Variants in GUCY1A1 observed in about 807,000 individuals in gnomAD.
The protein encoded by GUCY1A1 is guanylate cyclase soluble subunit alpha-1.
A neutral mutation model predicts 64.5 loss-of-function variants in GUCY1A1; 48 were observed. The observed-to-expected ratio is 0.74, with a 90% CI of 0.59 to 0.95. The LOEUF is 0.95. Among genes scored for constraint, GUCY1A1 ranks in the 40% least tolerant of loss-of-function variants. The pLI is 0.00. For missense variants in GUCY1A1, 804 were observed against 825.3 expected, an observed-to-expected ratio of 0.97 and a Z score of 0.32; for synonymous variants, 308 against 303.4, an observed-to-expected ratio of 1.02 and a Z score of -0.16.
At chr4:155,708,129 G>A in intron 4 of GUCY1A1, 107 bp from the exon 5 acceptor site, 1 of 627,926 alleles carries the variant, frequency 1.6e-6, no homozygotes, top group Non-Finnish European at 2.8e-6. Context: ...GAGCCGCTGT[G>A]CCTGGCCTAA....
chr4:155,704,567 G>A (rs1261704017), intron 4 of GUCY1A1, among the ~76,000 whole-genome samples: 1 of 152,130 alleles, frequency 6.6e-6, no homozygotes, highest in Admixed American at 6.5e-5. Flanking sequence ...GGTAGCAGCT[G>A]TTTATTAATC....
intron 9 of GUCY1A1, chr4:155,722,444 CT>C: frequency 7.7e-7 from 1 of 1,296,418 alleles, no homozygotes; most frequent in African/African-American, 1.5e-5. Context: ...TTCCATCATT[CT>C]TCTTTTAGAA....
intron 6 of GUCY1A1, among the ~76,000 whole-genome samples, chr4:155,711,795 A>G (rs892285543): frequency 4.6e-5 from 7 of 152,222 alleles, no homozygotes; most frequent in African/African-American, 1.7e-4. Context: ...AGTTGATAAT[A>G]CAAGCAAAGC....
In GUCY1A1 at chr4:155,705,984, T is replaced by C. The variant is rs1442890593; in HGVS notation, c.317+1991T>C. On this transcript the variant is annotated intron_variant, in intron 4 of 9. Transcript: ENST00000506455. ...TCACTGTGCTACTGTGTCTGTCTGC[T>C]TAAGTCCTTGGCAGCCAGTTTACTC... 2.0e-5 allele frequency among the ~76,000 whole-genome samples: 3 copies of C among 152,350 alleles called. No homozygotes were observed. The East Asian group carries it at 5.8e-4, about 29-fold the overall frequency.
chr4:155,686,831 G>A (rs997117458), intron 2 of GUCY1A1, among the ~76,000 whole-genome samples: 6 of 152,072 alleles, frequency 3.9e-5, no homozygotes, highest in Non-Finnish European at 8.8e-5. Flanking sequence ...TTCATTAAAG[G>A]AATTAGACAT....
chr4:155,713,254 A>C lies in GUCY1A1; in HGVS notation c.1243A>C (p.Ile415Leu). The change falls in exon 7 of 10, where the codon ATA becomes CTA. Residue 415 changes from isoleucine (I) to leucine (L), a missense_variant. Ile to Leu is a conservative substitution (Grantham distance 5, BLOSUM62 2). Coordinates refer to ENST00000506455, the MANE Select transcript of GUCY1A1 (RefSeq NM_001130682.3). ...CAATGCACTGAGGGATGTGGTCTTA[A>C]TAGGGGAACAAGCCCGAGCTCAAGA... is the stretch of plus-strand genomic sequence containing the variant. ...IHNALRDVVL[I>L]GEQARAQDGL... is the part of the protein sequence containing the mutation. 1 of 1,614,148 alleles carries C rather than the reference A, an allele frequency of 6.2e-7. No homozygotes were observed. The highest frequency in any genetic ancestry group is 8.5e-7 in the Non-Finnish European group (1 of 1,180,008).
chr4:155,698,622 T>A (rs1025726530), intron 3 of GUCY1A1, among the ~76,000 whole-genome samples: 1 of 152,098 alleles, frequency 6.6e-6, no homozygotes, highest in Admixed American at 6.6e-5. Flanking sequence ...GACTCTTTTT[T>A]AAAAAACATT....
At chr4:155,689,103 T>A (rs917559740) in intron 2 of GUCY1A1, among the ~76,000 whole-genome samples, 1 of 150,896 alleles carries the variant, frequency 6.6e-6, no homozygotes, top group African/African-American at 2.4e-5. Context: ...TCCCTAGCGA[T>A]AGATGTGCCT....
chr4:155,700,665 T>A (rs1057423016), intron 3 of GUCY1A1, among the ~76,000 whole-genome samples: 1 of 152,162 alleles, frequency 6.6e-6, no homozygotes, highest in Admixed American at 6.5e-5. Flanking sequence ...ACTATTTGCA[T>A]TGGGGAACAA....
At chr4:155,670,048 T>C (rs1353574181) in intron 2 of GUCY1A1, among the ~76,000 whole-genome samples, 3 of 152,170 alleles carry the variant, frequency 2.0e-5, no homozygotes, top group African/African-American at 4.8e-5. Context: ...CCAAAAAGTA[T>C]GTGCATTAAT....
Position 155,717,244 on chromosome 4 carries a change from C to A in GUCY1A1, c.1658C>A (p.Ala553Asp). Residue 553 changes from alanine to aspartate, a missense_variant, in exon 8 of 10, where the codon GCC becomes GAC. Transcript: ENST00000506455. The part of the protein sequence containing the change: ...DTHAVQIALM[A>D]LKMMELSDEV... The stretch of plus-strand genomic sequence containing the variant: ...CATGCTGTTCAGATAGCGCTGATGG[C>A]CCTGAAGATGATGGAGCTCTCTGAT... 6.3e-7 allele frequency: 1 copy of A among 1,598,342 alleles called. No homozygotes were observed. Among genetic ancestry groups the A allele is most frequent in the Non-Finnish European group, 8.5e-7 (1 of 1,170,276 alleles).
intron 9 of GUCY1A1, among the ~76,000 whole-genome samples, chr4:155,728,826 G>A (rs563960875): frequency 6.6e-6 from 1 of 151,888 alleles, no homozygotes; most frequent in African/African-American, 2.4e-5. Flanking sequence ...TTAAAGGCTG[G>A]ATAATGGACA....
chr4:155,676,958 A>C (rs908639019), intron 2 of GUCY1A1, among the ~76,000 whole-genome samples: 4 of 151,512 alleles, frequency 2.6e-5, no homozygotes, highest in African/African-American at 9.8e-5. Flanking sequence ...GCACATGCAG[A>C]TTCTTCATGT....
intron 2 of GUCY1A1, among the ~76,000 whole-genome samples, chr4:155,681,228 A>G (rs1471909296): frequency 6.6e-6 from 1 of 152,188 alleles, no homozygotes; most frequent in Non-Finnish European, 1.5e-5. Flanking sequence ...TCTCATTATT[A>G]GTGTTGGAGT....
chr4:155,702,009 ATCAT>A (rs34961017), intron 3 of GUCY1A1, among the ~76,000 whole-genome samples: 4,790 of 150,892 alleles, frequency 0.032, 254 homozygotes, highest in African/African-American at 0.11. Context: ...GCAGGTGGAC[ATCAT>A]TCATTCATTC....
chr4:155,699,432 TA>T (rs1382602849), intron 3 of GUCY1A1, among the ~76,000 whole-genome samples: 1 of 152,164 alleles, frequency 6.6e-6, no homozygotes, highest in Admixed American at 6.5e-5. Flanking sequence ...AAATTGTATA[TA>T]AAAAATTTAG....
chr4:155,712,034 T>C (rs10019835), intron 6 of GUCY1A1, among the ~76,000 whole-genome samples: 118,965 of 152,182 alleles, frequency 0.78, 46,679 homozygotes, highest in East Asian at 0.93. Context: ...GCTTTTATCA[T>C]GAAACAGTGT....
intron 4 of GUCY1A1, among the ~76,000 whole-genome samples, chr4:155,706,617 T>A (rs1357308422): frequency 6.6e-6 from 1 of 152,138 alleles, no homozygotes; most frequent in Non-Finnish European, 1.5e-5. Flanking sequence ...TTTTCTGGGA[T>A]CTTTTGATCA....
chr4:155,696,819 C>A lies in GUCY1A1; in HGVS notation c.-49C>A, dbSNP rs746850410. The A allele has an allele frequency of 1.9e-6, 3 of 1,581,414 alleles. No individual in the cohort carries two copies. The highest frequency in any genetic ancestry group is 1.7e-6 in the Non-Finnish European group (2 of 1,153,528). The stretch of plus-strand genomic sequence containing the variant: ...TCTGTTTGTCAGTCTCATATAAGAA[C>A]TACAGCTCATCAGGAGGAGATCGCA... On this transcript the variant is annotated 5_prime_UTR_variant, in exon 3 of 10. Coordinates refer to ENST00000506455, the MANE Select transcript of GUCY1A1 (RefSeq NM_001130682.3).
Sources: allele counts gnomAD v4.1 joint callset (sites outside exome capture counted in the v4.1 genomes callset), GRCh38; gene constraint gnomAD v4.1.1; transcripts MANE v1.5; gene names NCBI Gene and HGNC (gene_info 2026-07-23, HGNC 2026-07-21).